The following GNG4 variants were observed in gnomAD, a reference collection of about 807,000 sequenced individuals.
GNG4 encodes the protein guanine nucleotide-binding protein G(I)/G(S)/G(O) subunit gamma-4.
A neutral mutation model predicts 5.8 loss-of-function variants in GNG4; 4 were observed. The ratio of observed to expected loss-of-function variants is 0.69; its 90% CI spans 0.34 to 1.57. The LOEUF is 1.57. Ranked by LOEUF, GNG4 falls within the 40% of genes most tolerant of loss-of-function variation. The pLI is 0.06. For missense variants in GNG4, 96 were observed against 95.1 expected, an observed-to-expected ratio of 1.01 and a Z score of -0.04; for synonymous variants, 29 against 32.9, an observed-to-expected ratio of 0.88 and a Z score of 0.41.
At chr1:235,598,918 G>A (rs1688188704) in intron 1 of GNG4, among the ~76,000 whole-genome samples, 1 of 152,044 alleles carries the variant, frequency 6.6e-6, no homozygotes, top group Non-Finnish European at 1.5e-5. Context: ...GTAGAGATGG[G>A]GTTTCACCAT....
intron 3 of GNG4, among the ~76,000 whole-genome samples, chr1:235,582,641 G>A (rs1293134120): frequency 1.3e-5 from 2 of 152,158 alleles, no homozygotes; most frequent in African/African-American, 4.8e-5. Context: ...TCTTAGAATT[G>A]TTTTCTGGGT....
intron 3 of GNG4, among the ~76,000 whole-genome samples, chr1:235,559,866 G>T (rs1426957550): frequency 6.6e-6 from 1 of 152,228 alleles, no homozygotes; most frequent in Non-Finnish European, 1.5e-5. Context: ...GCTTGAAAGA[G>T]AGTTGTAATA....
At chr1:235,603,260 AT>A (rs1332076237) in intron 1 of GNG4, among the ~76,000 whole-genome samples, 8 of 106,194 alleles carry the variant, frequency 7.5e-5, no homozygotes, top group South Asian at 2.7e-4. Context: ...GATAATAATA[AT>A]TAATAATAAT....
chr1:235,569,576 C>A lies in GNG4; in HGVS notation c.99+14164G>T, dbSNP rs145675855. 2.2e-3 allele frequency among the ~76,000 whole-genome samples: 331 copies of A among 151,610 alleles called. 2 individuals carry two copies. Among genetic ancestry groups the A allele is most frequent in the African/African-American group, 7.7e-3 (320 of 41,292 alleles). ...TGGAATTTTGCTCTTGTTGCCCAGG[C>A]TGGAGTGCAATGGCACGATCTTGGC... is the stretch of plus-strand genomic sequence containing the variant. On this transcript the variant is annotated intron_variant, in intron 3 of 3. Transcript: ENST00000391854.
intron 3 of GNG4, among the ~76,000 whole-genome samples, chr1:235,553,742 A>T (rs2102909139): frequency 6.6e-6 from 1 of 152,324 alleles, no homozygotes; most frequent in African/African-American, 2.4e-5. Context: ...AGAATGTGGC[A>T]TGGAGAAATG....
At chr1:235,645,181 C>A (rs750131211) in intron 1 of GNG4, among the ~76,000 whole-genome samples, 1 of 152,188 alleles carries the variant, frequency 6.6e-6, no homozygotes, top group African/African-American at 2.4e-5. Context: ...CCCATCTGCT[C>A]TTCCTGTTCA....
At chr1:235,568,775 CT>C (rs1272815194) in intron 3 of GNG4, among the ~76,000 whole-genome samples, 4 of 147,118 alleles carry the variant, frequency 2.7e-5, no homozygotes, top group African/African-American at 1.0e-4. Flanking sequence ...AACTCTGGAC[CT>C]CTTTTCTTTT....
Position 235,562,660 on chromosome 1 carries a change from A to AAAAAAAAAAAAG in GNG4, c.100-10424_100-10423insCTTTTTTTTTTT, listed in dbSNP as rs1687096976. On this transcript the variant is annotated intron_variant, in intron 3 of 3. Transcript: ENST00000391854. ...GCTCTGTCTCAAGAAAAAAAAAAAG[A>AAAAAAAAAAAAG]AAAAAAAAAAAAGAAAAAAAAAAAA... is the stretch of plus-strand genomic sequence containing the variant. Among the ~76,000 whole-genome samples, 12 of 133,862 alleles carry AAAAAAAAAAAAG rather than the reference A, an allele frequency of 9.0e-5. No homozygotes were observed. In the South Asian group the frequency reaches 3.0e-3, roughly 34 times the overall value. The allele number at this position is 133,862 out of a possible 152,430, so 87.8% of individuals were successfully genotyped here.
intron 1 of GNG4, among the ~76,000 whole-genome samples, chr1:235,610,979 G>A (rs141504187): frequency 2.3e-3 from 349 of 152,210 alleles, no homozygotes; most frequent in African/African-American, 7.7e-3. Flanking sequence ...TCCCAGCTAC[G>A]CAGGAGGCTG....
At chr1:235,556,610 T>C (rs1686915194) in intron 3 of GNG4, among the ~76,000 whole-genome samples, 1 of 149,910 alleles carries the variant, frequency 6.7e-6, no homozygotes, top group African/African-American at 2.5e-5. Context: ...TAAGCTGTAC[T>C]GTACTACAGC....
intron 1 of GNG4, among the ~76,000 whole-genome samples, chr1:235,627,978 C>T (rs570781063): frequency 3.9e-5 from 6 of 151,940 alleles, no homozygotes; most frequent in Non-Finnish European, 5.9e-5. Flanking sequence ...GTCAGGAGTT[C>T]GATACCAGCC....
chr1:235,583,960 A>C (rs1687704502), intron 2 of GNG4, 112 bp from the exon 3 acceptor site: 5 of 577,086 alleles, frequency 8.7e-6, no homozygotes, highest in Non-Finnish European at 1.3e-5. Flanking sequence ...ATCTGGGAGC[A>C]TGGACAGCAT....
intron 1 of GNG4, among the ~76,000 whole-genome samples, chr1:235,645,797 C>CAAAAAAAAAAAAAAAAAAAAA (rs6143682): frequency 1.1e-5 from 1 of 90,384 alleles, no homozygotes; most frequent in African/African-American, 4.1e-5. Flanking sequence ...AACTCAGTCT[C>CAAAAAAAAAAAAAAAAAAAAA]AAAAAAAAAA....
At chr1:235,616,194 C>A in intron 1 of GNG4, 1 of 523,302 alleles carries the variant, frequency 1.9e-6, no homozygotes, top group Admixed American at 2.0e-5. Context: ...CACTTCTCTG[C>A]CAACTGAATT....
chr1:235,585,164 T>C (rs1687728887), intron 2 of GNG4, among the ~76,000 whole-genome samples: 1 of 151,102 alleles, frequency 6.6e-6, no homozygotes, highest in African/African-American at 2.4e-5. Context: ...TTCCTTCCCA[T>C]CACGTTGGAC....
intron 2 of GNG4, among the ~76,000 whole-genome samples, chr1:235,590,830 C>T (rs1396130525): frequency 1.3e-5 from 2 of 152,202 alleles, no homozygotes; most frequent in South Asian, 2.1e-4. Flanking sequence ...ACTTCTACTT[C>T]GTGATTCCTT....
chr1:235,604,209 G>A (rs1181136164), intron 1 of GNG4, among the ~76,000 whole-genome samples: 1 of 152,224 alleles, frequency 6.6e-6, no homozygotes, highest in African/African-American at 2.4e-5. Flanking sequence ...ACACAAACCT[G>A]TGTCTGGTGT....
intron 2 of GNG4, among the ~76,000 whole-genome samples, chr1:235,589,555 CCCTCGAA>C (rs1571899246): frequency 6.6e-6 from 1 of 152,158 alleles, no homozygotes; most frequent in East Asian, 1.9e-4. Flanking sequence ...CCGCCCACTC[CCCTCGAA>C]CCTCAGCATG....
At chr1:235,611,843 G>A (rs964342852) in intron 1 of GNG4, among the ~76,000 whole-genome samples, 12 of 151,922 alleles carry the variant, frequency 7.9e-5, no homozygotes, top group African/African-American at 2.7e-4. Context: ...CGGGAGGATC[G>A]CTTGAGTCCA....
Sources: allele counts gnomAD v4.1 joint callset (sites outside exome capture counted in the v4.1 genomes callset), GRCh38; gene constraint gnomAD v4.1.1; transcripts MANE v1.5; gene names NCBI Gene and HGNC (gene_info 2026-07-23, HGNC 2026-07-21).